The following PCDHA2 variants were observed in gnomAD, a reference collection of about 807,000 sequenced individuals.
PCDHA2 encodes the protein protocadherin alpha-2.
PCDHA2 carries 58 observed loss-of-function variants against 66.0 expected under a neutral mutation model. The ratio of observed to expected loss-of-function variants is 0.88; its 90% CI spans 0.71 to 1.09. The LOEUF is 1.09. Among genes scored for constraint, PCDHA2 ranks in the 50% least tolerant of loss-of-function variants. PCDHA2 has a pLI of 0.00. For synonymous variants in PCDHA2, 634 were observed against 554.0 expected (o/e 1.14, Z -2.03); for missense variants, 1,267 against 1,242.3 (o/e 1.02, Z -0.30).
At chr5:140,857,791 G>T in intron 1 of PCDHA2, 1 of 1,597,714 alleles carries the variant, frequency 6.3e-7, no homozygotes, top group Non-Finnish European at 8.6e-7. Context: ...AGCTGGTGCT[G>T]CGGTCGGTGG....
intron 1 of PCDHA2, chr5:140,842,529 A>C (rs1323450768): frequency 6.2e-7 from 1 of 1,613,050 alleles, no homozygotes; most frequent in East Asian, 2.2e-5. Context: ...ACCTTCAAGA[A>C]TTACTACTCG....
chr5:140,823,812 G>T (rs2150129324), intron 1 of PCDHA2: 1 of 1,613,764 alleles, frequency 6.2e-7, no homozygotes, highest in Non-Finnish European at 8.5e-7. Context: ...AGGCCTCATC[G>T]CGGGCGTCGG....
chr5:140,916,717 T>C (rs781839792), intron 1 of PCDHA2, among the ~76,000 whole-genome samples: 1 of 151,908 alleles, frequency 6.6e-6, no homozygotes, highest in South Asian at 2.1e-4. Flanking sequence ...AAGGAAGGAG[T>C]GACTTTTGTT....
chr5:140,953,475 T>C (rs1178172011), intron 1 of PCDHA2, among the ~76,000 whole-genome samples: 3 of 152,140 alleles, frequency 2.0e-5, no homozygotes, highest in African/African-American at 7.2e-5. Context: ...AACTTCCTCA[T>C]GCTGTGTCAC....
intron 1 of PCDHA2, among the ~76,000 whole-genome samples, chr5:140,899,991 G>C (rs2067668603): frequency 6.6e-6 from 1 of 151,712 alleles, no homozygotes; most frequent in African/African-American, 2.4e-5. Context: ...GATTTTTTTT[G>C]TAGAGATGAG....
chr5:140,865,358 A>G (rs935527495), intron 1 of PCDHA2: 2 of 152,230 alleles, frequency 1.3e-5, no homozygotes, highest in Non-Finnish European at 2.9e-5. Flanking sequence ...TACATATTGC[A>G]GGATAACCAT....
intron 1 of PCDHA2, chr5:140,875,854 G>T: frequency 1.2e-6 from 2 of 1,614,160 alleles, no homozygotes; most frequent in East Asian, 4.5e-5. Flanking sequence ...GGACATTAAC[G>T]ACAACCCGCC....
At position 140,981,034 on chromosome 5, in the gene PCDHA2, A is replaced by G. The variant is rs376817771; in HGVS notation, c.2448-1441A>G. ...ACTTGAAGGCTGTTAATATTTGGGGAAAAAAAACAGATAATTCTAGAGTGT... is the reference window on the plus strand; with the variant it reads ...ACTTGAAGGCTGTTAATATTTGGGGGAAAAAAACAGATAATTCTAGAGTGT... On this transcript the variant is annotated intron_variant, in intron 2 of 3. Transcript: ENST00000526136. Among the ~76,000 whole-genome samples, 183 of 149,642 alleles carry G rather than the reference A, an allele frequency of 1.2e-3. 1 individual carries two copies. Among genetic ancestry groups the G allele is most frequent in the African/African-American group, 4.1e-3 (163 of 39,298 alleles).
intron 1 of PCDHA2, chr5:140,966,488 C>T: frequency 2.3e-6 from 1 of 440,248 alleles, no homozygotes; most frequent in Non-Finnish European, 3.9e-6. Flanking sequence ...TTTCCCTCCC[C>T]CTGGAGCTGT....
At chr5:140,994,563 G>A (rs1554254253) in intron 3 of PCDHA2, among the ~76,000 whole-genome samples, 1 of 151,976 alleles carries the variant, frequency 6.6e-6, no homozygotes, top group Non-Finnish European at 1.5e-5. Flanking sequence ...AAATTAGCCG[G>A]GTGTGGTGGC....
At chr5:140,834,072 A>G (rs2150213347) in intron 1 of PCDHA2, among the ~76,000 whole-genome samples, 43 of 152,334 alleles carry the variant, frequency 2.8e-4, no homozygotes, top group Admixed American at 5.9e-4. Flanking sequence ...GAGAAATGCT[A>G]TTTTAACCTT....
At chr5:140,995,860 A>C (rs1220139939) in intron 3 of PCDHA2, among the ~76,000 whole-genome samples, 1 of 152,220 alleles carries the variant, frequency 6.6e-6, no homozygotes, top group Non-Finnish European at 1.5e-5. Flanking sequence ...CGTATCACTT[A>C]ATAATTGTGC....
intron 1 of PCDHA2, chr5:140,853,313 T>G: frequency 1.0e-6 from 1 of 984,212 alleles, no homozygotes; most frequent in South Asian, 4.7e-5. Flanking sequence ...AACACCTTAG[T>G]AATAAATTTA....
chr5:140,853,750 C>T (rs2042854263), intron 1 of PCDHA2: 1 of 988,454 alleles, frequency 1.0e-6, no homozygotes, highest in Non-Finnish European at 1.2e-6. Context: ...TGGTTCAAGG[C>T]TCCACCTCAG....
chr5:140,986,826 A>G (rs902801115), intron 3 of PCDHA2, among the ~76,000 whole-genome samples: 1 of 152,178 alleles, frequency 6.6e-6, no homozygotes, highest in Non-Finnish European at 1.5e-5. Flanking sequence ...GGTTTAGACA[A>G]TGGTTCTCAA....
chr5:140,944,929 C>T (rs1387660974), intron 1 of PCDHA2, among the ~76,000 whole-genome samples: 1 of 152,052 alleles, frequency 6.6e-6, no homozygotes, highest in Non-Finnish European at 1.5e-5. Flanking sequence ...TGGTTTATGC[C>T]TTCTTTAGAT....
At chr5:140,935,996 G>C (rs145363850) in intron 1 of PCDHA2, among the ~76,000 whole-genome samples, 1,644 of 150,942 alleles carry the variant, frequency 0.011, 22 homozygotes, top group African/African-American at 0.037. Flanking sequence ...GGGTTCAAGC[G>C]ATTCTCCCAC....
At chr5:140,824,627 T>G (rs2150136060) in intron 1 of PCDHA2, 3 of 134,070 alleles carry the variant, frequency 2.2e-5, no homozygotes, top group African/African-American at 9.6e-5. Flanking sequence ...TTTTTTTTTT[T>G]TTTTTATTTT....
intron 1 of PCDHA2, among the ~76,000 whole-genome samples, chr5:140,935,180 T>C (rs781934014): frequency 3.9e-5 from 6 of 152,214 alleles, no homozygotes; most frequent in Non-Finnish European, 7.3e-5. Flanking sequence ...TTATTGCTGC[T>C]GGGTCAGTTG....
Sources: gnomAD v4.1 joint callset for allele counts (sites outside exome capture counted in the v4.1 genomes callset) on GRCh38, gnomAD v4.1.1 for gene constraint, MANE v1.5 for transcripts, NCBI Gene and HGNC (gene_info 2026-07-23, HGNC 2026-07-21) for gene names.